Variants in FAM149B1 observed in about 807,000 individuals in gnomAD.
The protein encoded by FAM149B1 is primary cilium assembly protein FAM149B1.
A neutral mutation model predicts 75.3 loss-of-function variants in FAM149B1; 56 were observed. The ratio of observed to expected loss-of-function variants is 0.74; its 90% confidence interval spans 0.60 to 0.93. The LOEUF is 0.93. Among genes scored for constraint, FAM149B1 ranks in the 40% least tolerant of loss-of-function variants. FAM149B1 has a pLI of 0.00. For synonymous variants in FAM149B1, 259 were observed against 256.1 expected (o/e 1.01, Z -0.11); for missense variants, 639 against 708.4 (o/e 0.90, Z 1.11).
At chr10:73,234,747 C>T in intron 10 of FAM149B1, 70 bp from the exon 11 acceptor site, 1 of 1,492,580 alleles carries the variant, frequency 6.7e-7, no homozygotes, top group South Asian at 1.3e-5. Flanking sequence ...TATCTGATTT[C>T]TAATCAATTT....
intron 7 of FAM149B1, among the ~76,000 whole-genome samples, chr10:73,222,002 C>G (rs2043427046): frequency 6.6e-6 from 1 of 151,948 alleles, no homozygotes; most frequent in Non-Finnish European, 1.5e-5. Flanking sequence ...TTCCATGTCT[C>G]TATTTGATAT....
intron 12 of FAM149B1, among the ~76,000 whole-genome samples, chr10:73,236,728 T>TC (rs1210506110): frequency 6.7e-6 from 1 of 149,022 alleles, no homozygotes; most frequent in Non-Finnish European, 1.5e-5. Context: ...TTCTTTTCTT[T>TC]TTTTTTTTTT....
At chr10:73,224,855 G>A (rs901590400) in intron 7 of FAM149B1, among the ~76,000 whole-genome samples, 11 of 152,142 alleles carry the variant, frequency 7.2e-5, no homozygotes, top group Admixed American at 3.9e-4. Context: ...ACTAGATAGA[G>A]GTAAGGGTTG....
intron 12 of FAM149B1, chr10:73,239,042 C>T: frequency 3.0e-6 from 1 of 337,050 alleles, no homozygotes; most frequent in Non-Finnish European, 5.4e-6. Flanking sequence ...AATATTAAAC[C>T]ATATGGATTA....
At chr10:73,224,119 T>G (rs1230267093) in intron 7 of FAM149B1, among the ~76,000 whole-genome samples, 1 of 152,222 alleles carries the variant, frequency 6.6e-6, no homozygotes, top group Non-Finnish European at 1.5e-5. Context: ...TAATTGGCAT[T>G]TAGTAGGTTG....
intron 3 of FAM149B1, among the ~76,000 whole-genome samples, chr10:73,178,318 C>G (rs1266195895): frequency 6.6e-6 from 1 of 152,064 alleles, no homozygotes; most frequent in Non-Finnish European, 1.5e-5. Context: ...ATGGAGAAAC[C>G]CTGTCTCTAC....
chr10:73,204,944 A>T lies in FAM149B1; in HGVS notation c.543-3675A>T, dbSNP rs1270299354. 1.4e-4 allele frequency among the ~76,000 whole-genome samples: 5 copies of T among 36,606 alleles called. No individual in the cohort carries two copies. The East Asian group carries it at 2.2e-3, about 16-fold the overall frequency. The allele number at this position is 36,606 out of a possible 152,430, so 24.0% of individuals were successfully genotyped here. A position where few individuals can be genotyped will look rare whatever the true frequency, so the allele number is the denominator to read the frequency against. ...AGGCACCCGCCACCATGCCTGGCTAATTTTTTTTTTTTTTTTTTTTTTTTT... is the reference window on the plus strand; with the variant it reads ...AGGCACCCGCCACCATGCCTGGCTATTTTTTTTTTTTTTTTTTTTTTTTTT... On this transcript the variant is annotated intron_variant, in intron 5 of 13. Coordinates refer to ENST00000242505, the MANE Select transcript of FAM149B1 (RefSeq NM_173348.2).
chr10:73,168,207 G>A lies in FAM149B1; in HGVS notation c.-133G>A. ...TGGCTGCTCGGAGTCTAGGTGACGG[G>A]GCGAGACGGGGCCGGTAGGTGGCGG... is the stretch of plus-strand genomic sequence containing the variant. On this transcript the variant is annotated 5_prime_UTR_variant, in exon 1 of 14. Transcript: ENST00000242505. 2.2e-6 allele frequency: 2 copies of A among 928,084 alleles called. No homozygotes were observed. Among genetic ancestry groups the A allele is most frequent in the Non-Finnish European group, 3.2e-6 (2 of 629,874 alleles). 57.5% of individuals were successfully genotyped at this position (928,084 alleles called of 1,614,324 possible). A position where few individuals can be genotyped will look rare whatever the true frequency, so the allele number is the denominator to read the frequency against.
At position 73,226,811 on chromosome 10, in the gene FAM149B1, C is replaced by T. The variant is rs66874831; in HGVS notation, c.899-1249C>T. Among the ~76,000 whole-genome samples, 360 of 122,814 alleles carry T rather than the reference C, an allele frequency of 2.9e-3. 7 individuals carry two copies. In the East Asian group the frequency reaches 0.074, roughly 25 times the overall value. 80.6% of individuals were successfully genotyped at this position (122,814 alleles called of 152,430 possible). On this transcript the variant is annotated intron_variant, in intron 7 of 13. Coordinates refer to ENST00000242505, the MANE Select transcript of FAM149B1 (RefSeq NM_173348.2). Reference sequence around the variant, plus strand: ...TTGCAGTTTTGGCTTTGTCATGGACCAGTTGGTTCATTGTTGTTAGAACAA... The same window carrying T: ...TTGCAGTTTTGGCTTTGTCATGGACTAGTTGGTTCATTGTTGTTAGAACAA...
chr10:73,238,725 G>A (rs1263063184), intron 12 of FAM149B1: 1 of 152,168 alleles, frequency 6.6e-6, no homozygotes, highest in Admixed American at 6.5e-5. Context: ...GCTCTCTCAA[G>A]GGAACTACTG....
At chr10:73,187,337 A>G (rs1023872660) in intron 3 of FAM149B1, among the ~76,000 whole-genome samples, 5 of 151,568 alleles carry the variant, frequency 3.3e-5, no homozygotes, top group Non-Finnish European at 7.4e-5. Context: ...ATTTTTATAG[A>G]AATTGATAAG....
intron 12 of FAM149B1, 35 bp downstream of exon 12, chr10:73,235,353 G>T: frequency 6.5e-7 from 1 of 1,549,626 alleles, no homozygotes; most frequent in Non-Finnish European, 8.7e-7. Context: ...GGTCTTGATA[G>T]TTGGGGAAAG....
At chr10:73,206,466 G>A (rs542372801) in intron 5 of FAM149B1, among the ~76,000 whole-genome samples, 1 of 152,346 alleles carries the variant, frequency 6.6e-6, no homozygotes, top group East Asian at 1.9e-4. Context: ...GCAACCACTT[G>A]ATAGAGATAT....
In FAM149B1 at chr10:73,242,195, A is replaced by C. The variant is rs2043962509; in HGVS notation, c.*1176A>C. ...ATTTTTAACCTATTTGTAGTCACAA[A>C]CCGAAAACGTGTCGTCTTTACCTTA... On this transcript the variant is annotated 3_prime_UTR_variant, in exon 14 of 14. Coordinates refer to ENST00000242505, the MANE Select transcript of FAM149B1 (RefSeq NM_173348.2). 1 of 152,270 alleles carries C rather than the reference A, an allele frequency of 6.6e-6. No homozygotes were observed. The highest frequency in any genetic ancestry group is 2.4e-5 in the African/African-American group (1 of 41,542). 9.4% of individuals were successfully genotyped at this position (152,270 alleles called of 1,614,324 possible).
chr10:73,198,143 TG>T (rs1327824879), intron 5 of FAM149B1, among the ~76,000 whole-genome samples: 1 of 152,216 alleles, frequency 6.6e-6, no homozygotes, highest in Non-Finnish European at 1.5e-5. Context: ...TTAGGGAAAC[TG>T]GACACCCACA....
chr10:73,193,825 TAACAGAATACCTGA>T (rs1464807144), intron 5 of FAM149B1, among the ~76,000 whole-genome samples: 1 of 152,192 alleles, frequency 6.6e-6, no homozygotes, highest in Admixed American at 6.5e-5. Flanking sequence ...CTGTTGCTTG[TAACAGAATACCTGA>T]AACTGGGTAA....
In FAM149B1 at chr10:73,200,278, G is replaced by A. The variant is rs2042902200; in HGVS notation, c.542+6685G>A. 1.4e-5 allele frequency: 4 copies of A among 295,538 alleles called. No individual in the cohort carries two copies. The South Asian group carries it at 1.7e-4, about 13-fold the overall frequency. The allele number at this position is 295,538 out of a possible 1,614,324, so 18.3% of individuals were successfully genotyped here. On this transcript the variant is annotated intron_variant, in intron 5 of 13. Transcript: ENST00000242505. ...ACCTGGGAGGCGGAGGTTGCAGTGA[G>A]CCGAGATTGCACCATTGCACTCCAT...
At chr10:73,201,411 G>C (rs1233525788) in intron 5 of FAM149B1, among the ~76,000 whole-genome samples, 1 of 152,174 alleles carries the variant, frequency 6.6e-6, no homozygotes, top group Non-Finnish European at 1.5e-5. Context: ...AAAATCATTG[G>C]CTTTATCCTC....
intron 13 of FAM149B1, 23 bp downstream of exon 13, chr10:73,239,407 T>G: frequency 6.5e-7 from 1 of 1,530,212 alleles, no homozygotes; most frequent in Non-Finnish European, 8.9e-7. Context: ...CCATGGCCCT[T>G]ATTTACTACT....
Sources: allele counts gnomAD v4.1 joint callset (sites outside exome capture counted in the v4.1 genomes callset), GRCh38; gene constraint gnomAD v4.1.1; transcripts MANE v1.5; gene names NCBI Gene and HGNC (gene_info 2026-07-23, HGNC 2026-07-21).